PPM1A: variants seen among roughly 807,000 people sequenced by gnomAD.
The protein encoded by PPM1A is protein phosphatase 1A.
In PPM1A, 7 loss-of-function variants were observed where a neutral mutation model predicts 35.0. That is an observed-to-expected ratio of 0.20 (90% CI 0.11 to 0.38). PPM1A has a LOEUF of 0.38. Among genes scored for constraint, PPM1A ranks in the 10% least tolerant of loss-of-function variants. The probability of loss-of-function intolerance (pLI) is 1.00; values close to 1 mark genes in which losing one functional copy is unlikely to be tolerated. For synonymous variants in PPM1A, 153 were observed against 167.3 expected (o/e 0.91, Z 0.66); for missense variants, 239 against 467.8 (o/e 0.51, Z 4.51).
chr14:60,249,358 G>A lies in PPM1A; in HGVS notation c.-340G>A. The stretch of plus-strand genomic sequence containing the variant: ...TTGCTCCGGAACGGGTGGTTGGGGA[G>A]GGGGGGGTGGGGGGACTCTAGACAG... On this transcript the variant is annotated 5_prime_UTR_variant, in exon 1 of 6. Transcript: ENST00000395076. The surrounding 1 kb of genome is among the most constrained non-coding windows in gnomAD (Gnocchi z 4.5). 1.0e-6 allele frequency: 1 copy of A among 958,098 alleles called. No individual in the cohort carries two copies. Among genetic ancestry groups the A allele is most frequent in the Non-Finnish European group, 1.2e-6 (1 of 807,916 alleles). The allele number at this position is 958,098 out of a possible 1,614,324, so 59.3% of individuals were successfully genotyped here.
At chr14:60,276,828 C>T (rs17097273) in intron 1 of PPM1A, among the ~76,000 whole-genome samples, 10,087 of 152,184 alleles carry the variant, frequency 0.066, 518 homozygotes, top group South Asian at 0.27. Flanking sequence ...GTTCAAGACT[C>T]TACTATGAGT....
intron 1 of PPM1A, among the ~76,000 whole-genome samples, chr14:60,281,954 A>G (rs887555116): frequency 6.6e-6 from 1 of 152,248 alleles, no homozygotes; most frequent in African/African-American, 2.4e-5. Context: ...ATGTATATAT[A>G]TAATTGCTTG....
rs2139359975 is a variant in PPM1A at position 60,257,863 on chromosome 14, CT to C, written c.-21+8189del. On this transcript the variant is annotated intron_variant, in intron 1 of 5. Transcript: ENST00000395076. ...AAACAGAATCTCATAACTTACCAGG[CT>C]TTAGAAAAACATCTTTGCAGTATGC... 2.0e-5 allele frequency among the ~76,000 whole-genome samples: 3 copies of C among 152,190 alleles called. No homozygotes were observed. In the South Asian group the frequency reaches 6.2e-4, roughly 32 times the overall value.
intron 1 of PPM1A, among the ~76,000 whole-genome samples, chr14:60,254,434 A>C (rs1199177313): frequency 1.3e-5 from 2 of 152,196 alleles, no homozygotes; most frequent in Non-Finnish European, 2.9e-5. Context: ...TCAGGCTAGA[A>C]TGATCAGTCA....
chr14:60,289,956 A>T lies in PPM1A; in HGVS notation c.1061+42A>T. 1 of 1,308,424 alleles carries T rather than the reference A, an allele frequency of 7.6e-7. No homozygotes were observed. Among genetic ancestry groups the T allele is most frequent in the Non-Finnish European group, 1.1e-6 (1 of 950,590 alleles). 81.1% of individuals were successfully genotyped at this position (1,308,424 alleles called of 1,614,324 possible). A position where few individuals can be genotyped will look rare whatever the true frequency, so the allele number is the denominator to read the frequency against. ...ACACTCTTATGCTTTATGTCAGTGT[A>T]TGAAAATGTTAGGTATTCATTGATA... On this transcript the variant is annotated intron_variant, in intron 4 of 5. Transcript: ENST00000395076. This position sits in a 1 kb window ranked among gnomAD's most constrained non-coding sequence, Gnocchi z 4.1.
At chr14:60,256,991 A>C (rs1363330014) in intron 1 of PPM1A, 1 of 152,220 alleles carries the variant, frequency 6.6e-6, no homozygotes, top group Admixed American at 6.5e-5. Context: ...GTGTATACTA[A>C]GTTTGAAAAG....
At position 60,249,520 on chromosome 14, in the gene PPM1A, C is replaced by T. The variant is rs1294548170; in HGVS notation, c.-178C>T. On this transcript the variant is annotated 5_prime_UTR_variant, in exon 1 of 6. Coordinates refer to ENST00000395076, the MANE Select transcript of PPM1A (RefSeq NM_021003.5). This position sits in a 1 kb window ranked among gnomAD's most constrained non-coding sequence, Gnocchi z 4.5. ...CGGGGGCCCGGACGCAGCCCGGCTC[C>T]TCCCCTCCTCCGCCCCTTCCCCAGC... 4.1e-6 allele frequency: 4 copies of T among 984,978 alleles called. No homozygotes were observed. The African/African-American group carries it at 5.3e-5, about 13-fold the overall frequency. The allele number at this position is 984,978 out of a possible 1,614,324, so 61.0% of individuals were successfully genotyped here.
chr14:60,285,898 T>A (rs534024199), intron 3 of PPM1A, 157 bp downstream of exon 3: 1 of 1,392,180 alleles, frequency 7.2e-7, no homozygotes, highest in African/African-American at 1.5e-5. Flanking sequence ...GCTGTTAAGA[T>A]GTATGCAGTT....
intron 3 of PPM1A, chr14:60,286,519 G>GA (rs1411722385): frequency 1.4e-5 from 14 of 984,384 alleles, no homozygotes; most frequent in African/African-American, 1.1e-4. Flanking sequence ...AGCTGAGGTA[G>GA]AAAAAAAACA....
chr14:60,283,647 C>A lies in PPM1A; in HGVS notation c.834+110C>A, dbSNP rs8012816. 19 of 1,083,118 alleles carry A rather than the reference C, an allele frequency of 1.8e-5. No individual in the cohort carries two copies. The South Asian group carries it at 2.9e-4, about 17-fold the overall frequency. The allele number at this position is 1,083,118 out of a possible 1,614,324, so 67.1% of individuals were successfully genotyped here. A position where few individuals can be genotyped will look rare whatever the true frequency, so the allele number is the denominator to read the frequency against. ...ATTCTGAAACCAGTTTTTGGCACAA[C>A]TGTAGGATACTGTTCACCAATTATG... is the stretch of plus-strand genomic sequence containing the variant. On this transcript the variant is annotated intron_variant, in intron 2 of 5. Transcript: ENST00000395076. This position sits in a 1 kb window ranked among gnomAD's most constrained non-coding sequence, Gnocchi z 6.3.
rs1234968783 is a variant in PPM1A at position 60,273,644 on chromosome 14, G to A, written c.-20-9040G>A. Among the ~76,000 whole-genome samples the A allele has an allele frequency of 6.6e-6, 1 of 152,162 alleles. No homozygotes were observed. Among genetic ancestry groups the A allele is most frequent in the Non-Finnish European group, 1.5e-5 (1 of 68,036 alleles). ...TGCAGTTTGGAGAATGAATTAGAGG[G>A]ATGCCAGGATCCACGTGAAGAGACT... On this transcript the variant is annotated intron_variant, in intron 1 of 5. Coordinates refer to ENST00000395076, the MANE Select transcript of PPM1A (RefSeq NM_021003.5). The surrounding 1 kb of genome is among the most constrained non-coding windows in gnomAD (Gnocchi z 4.3).
rs1036748432 is a variant in PPM1A, at chr14:60,292,544, T to C, written c.*62T>C. On this transcript the variant is annotated 3_prime_UTR_variant, in exon 6 of 6. Transcript: ENST00000395076. This position sits in a 1 kb window ranked among gnomAD's most constrained non-coding sequence, Gnocchi z 4.2. ...CAAAGGAGAGTACAGCTCAACTTTG[T>C]TGAAACTTTTAACATCCATCCTCAA... is the stretch of plus-strand genomic sequence containing the variant. 6.9e-7 allele frequency: 1 copy of C among 1,443,216 alleles called. No individual in the cohort carries two copies. Among genetic ancestry groups the C allele is most frequent in the Non-Finnish European group, 9.7e-7 (1 of 1,035,510 alleles). 89.4% of individuals were successfully genotyped at this position (1,443,216 alleles called of 1,614,324 possible). A position where few individuals can be genotyped will look rare whatever the true frequency, so the allele number is the denominator to read the frequency against.
intron 1 of PPM1A, among the ~76,000 whole-genome samples, chr14:60,252,207 A>G (rs1054333864): frequency 2.0e-5 from 3 of 152,242 alleles, no homozygotes; most frequent in Admixed American, 2.0e-4. Context: ...ATTTTTAACC[A>G]AGAAGTGGCA....
intron 3 of PPM1A, chr14:60,287,841 A>G: frequency 1.0e-6 from 1 of 984,406 alleles, no homozygotes; most frequent in African/African-American, 1.7e-5. Flanking sequence ...AATCTTTGCT[A>G]CTGACTACCT....
upstream of PPM1A, among the ~76,000 whole-genome samples, chr14:60,246,493 A>G (rs563268204): frequency 6.6e-6 from 1 of 152,290 alleles, no homozygotes; most frequent in South Asian, 2.1e-4. Context: ...TTTATAATAT[A>G]CCTATAAAAA....
At position 60,285,571 on chromosome 14, in the gene PPM1A, G is replaced by C. The variant is rs868485409; in HGVS notation, c.835-53G>C. On this transcript the variant is annotated intron_variant, in intron 2 of 5. Transcript: ENST00000395076. ...TGGCACAGCTGTAAAGGTTCTCAAG[G>C]CTTTGAAGAGCAAAAAGAAAACTAA... The C allele has an allele frequency of 4.5e-6, 7 of 1,569,660 alleles. 1 individual carries two copies. In the Middle Eastern group the frequency reaches 1.2e-3, roughly 269 times the overall value.
intron 1 of PPM1A, chr14:60,276,966 T>C: frequency 2.2e-6 from 2 of 910,982 alleles, no homozygotes; most frequent in Non-Finnish European, 2.8e-6. Context: ...AATTTTCTGA[T>C]TATATCAAAT....
intron 2 of PPM1A, among the ~76,000 whole-genome samples, chr14:60,284,745 GT>G (rs1886803196): frequency 6.8e-6 from 1 of 146,480 alleles, no homozygotes; most frequent in Non-Finnish European, 1.5e-5. Flanking sequence ...ATAATGCCTA[GT>G]TTAGCATATA....
At position 60,289,824 on chromosome 14, in the gene PPM1A, G is replaced by C; in HGVS notation, c.971G>C (p.Gly324Ala). The C allele has an allele frequency of 6.2e-7, 1 of 1,609,346 alleles. No individual in the cohort carries two copies. The highest frequency in any genetic ancestry group is 2.2e-5 in the East Asian group (1 of 44,600). The change falls in exon 4 of 6, where the codon GGG (glycine) becomes GCG (alanine). Residue 324 changes from glycine (G) to alanine (A), a missense_variant. Transcript: ENST00000395076. This position sits in a 1 kb window ranked among gnomAD's most constrained non-coding sequence, Gnocchi z 4.1. ...CRVEEIIKKQ[G>A]EGVPDLVHVM... The stretch of plus-strand genomic sequence containing the variant: ...TTCCCAGAAATCATAAAGAAGCAGG[G>C]GGAAGGCGTCCCCGACTTAGTCCAT...
Sources: allele counts gnomAD v4.1 joint callset (sites outside exome capture counted in the v4.1 genomes callset), GRCh38; gene constraint gnomAD v4.1.1; non-coding constraint Gnocchi (gnomAD v3.1); transcripts MANE v1.5; gene names NCBI Gene and HGNC (gene_info 2026-07-23, HGNC 2026-07-21).